CYP2R1: variants seen among roughly 807,000 people sequenced by gnomAD.
CYP2R1 encodes vitamin D 25-hydroxylase.
In CYP2R1, 40 loss-of-function variants were observed where a neutral mutation model predicts 45.7. The observed-to-expected ratio is 0.87, with a 90% CI of 0.68 to 1.14. The LOEUF is 1.14. CYP2R1 is among the 50% of genes most tolerant of loss of function. The probability of loss-of-function intolerance (pLI) is 0.00; values close to 1 mark genes in which losing one functional copy is unlikely to be tolerated. For synonymous variants in CYP2R1, 234 were observed against 219.3 expected, an observed-to-expected ratio of 1.07 and a Z score of -0.59; for missense variants, 605 against 602.6, an observed-to-expected ratio of 1.00 and a Z score of -0.04.
rs1174014701 is a variant in CYP2R1, at chr11:14,885,921, TGAGAA to T, written c.226-9_226-5del. On this transcript the variant is annotated splice_region_variant and splice_polypyrimidine_tract_variant and intron_variant, in intron 1 of 4. Coordinates refer to ENST00000334636, the MANE Select transcript of CYP2R1 (RefSeq NM_024514.5). ...CTCCAAGATCTAAACTGAAGATCTT[TGAGAA>T]GAGAAGAAAAACAACATTTAAATGA... is the stretch of plus-strand genomic sequence containing the variant. 11 of 1,612,690 alleles carry T rather than the reference TGAGAA, an allele frequency of 6.8e-6. No individual in the cohort carries two copies. Among genetic ancestry groups the T allele is most frequent in the Admixed American group, 5.0e-5 (3 of 59,914 alleles).
upstream of CYP2R1, chr11:14,892,292 C>A (rs1341339551): frequency 3.1e-6 from 4 of 1,292,422 alleles, no homozygotes; most frequent in African/African-American, 4.4e-5. Context: ...TGGCAGGATA[C>A]CCTCAGGTCC....
chr11:14,887,351 C>T (rs1488608599), intron 1 of CYP2R1: 5 of 152,576 alleles, frequency 3.3e-5, no homozygotes, highest in African/African-American at 9.7e-5. Context: ...ACACAATCCA[C>T]CTTTACTCAA....
intron 1 of CYP2R1, among the ~76,000 whole-genome samples, chr11:14,890,713 A>G (rs1848814271): frequency 6.6e-6 from 1 of 151,498 alleles, no homozygotes; most frequent in Non-Finnish European, 1.5e-5. Flanking sequence ...CGCCCGGCTA[A>G]TTTTTTGTAT....
rs782573057 is a variant in CYP2R1, at chr11:14,879,275, C to T, written c.1169G>A (p.Arg390His). Residue 390 changes from arginine to histidine, a missense_variant, in exon 4 of 5, where the codon CGT becomes CAT. Transcript: ENST00000334636. ...FHATSEDAVV[R>H]GYSIPKGTTV... ...TGTGCCTTTAGGAATGGAATAACCACGTACAACTGCATCTTCAGAGGTTGC... is the reference window on the plus strand; with the variant it reads ...TGTGCCTTTAGGAATGGAATAACCATGTACAACTGCATCTTCAGAGGTTGC... 3 of 1,613,278 alleles carry T rather than the reference C, an allele frequency of 1.9e-6. No homozygotes were observed. The highest frequency in any genetic ancestry group is 2.5e-6 in the Non-Finnish European group (3 of 1,179,522).
intron 2 of CYP2R1, among the ~76,000 whole-genome samples, chr11:14,884,057 T>A (rs1415797503): frequency 6.6e-6 from 1 of 151,962 alleles, no homozygotes; most frequent in African/African-American, 2.4e-5. Flanking sequence ...ATGTGGAGAA[T>A]TAGGAATACT....
At chr11:14,889,666 GA>G (rs2134098599) in intron 1 of CYP2R1, among the ~76,000 whole-genome samples, 1 of 152,284 alleles carries the variant, frequency 6.6e-6, no homozygotes, top group Admixed American at 6.5e-5. Context: ...AGGGGACTTA[GA>G]AAACCCCCTG....
At chr11:14,890,555 T>TC (rs1555016337) in intron 1 of CYP2R1, 2 of 562,298 alleles carry the variant, frequency 3.6e-6, no homozygotes, top group East Asian at 3.0e-4. Flanking sequence ...TTTTTTTTTT[T>TC]TTTTTTTTTG....
chr11:14,884,458 C>T (rs1848526070), intron 2 of CYP2R1, among the ~76,000 whole-genome samples: 1 of 146,264 alleles, frequency 6.8e-6, no homozygotes, highest in Non-Finnish European at 1.5e-5. Flanking sequence ...CGCATATTCT[C>T]ACTCATAGGT....
At chr11:14,879,492 C>T (rs571049097) in intron 3 of CYP2R1, 49 bp from the exon 4 acceptor site, 5 of 1,412,176 alleles carry the variant, frequency 3.5e-6, no homozygotes, top group South Asian at 2.4e-5. Flanking sequence ...TAGAATTATA[C>T]CTAAAGTTAT....
chr11:14,884,331 C>T (rs1225328121), intron 2 of CYP2R1, among the ~76,000 whole-genome samples: 2 of 151,958 alleles, frequency 1.3e-5, no homozygotes, highest in African/African-American at 2.4e-5. Context: ...CACATATACA[C>T]CATGGAATAC....
chr11:14,878,040 A>G lies in CYP2R1; in HGVS notation c.*82T>C. The G allele has an allele frequency of 1.4e-6, 2 of 1,454,794 alleles. No homozygotes were observed. Among genetic ancestry groups the G allele is most frequent in the East Asian group, 4.5e-5 (2 of 44,090 alleles). 90.1% of individuals were successfully genotyped at this position (1,454,794 alleles called of 1,614,324 possible). A position where few individuals can be genotyped will look rare whatever the true frequency, so the allele number is the denominator to read the frequency against. On this transcript the variant is annotated 3_prime_UTR_variant, in exon 5 of 5. Coordinates refer to ENST00000334636, the MANE Select transcript of CYP2R1 (RefSeq NM_024514.5). ...TTTTTGATGCTGTGACTTTTATTCT[A>G]ATACACACATTGATTTGATTAAACC...
At chr11:14,890,534 A>ATTTTT (rs1565189371) in intron 1 of CYP2R1, 6 of 170,266 alleles carry the variant, frequency 3.5e-5, no homozygotes, top group African/African-American at 2.7e-4. Flanking sequence ...ACCTAGACCA[A>ATTTTT]TTCTTTTTTT....
At position 14,880,662 on chromosome 11, in the gene CYP2R1, G is replaced by T. The variant is rs782608851; in HGVS notation, c.474C>A (p.Ile158=). Residue 158 remains isoleucine, a synonymous_variant, in exon 3 of 5, where the codon ATC becomes ATA. Coordinates refer to ENST00000334636, the MANE Select transcript of CYP2R1 (RefSeq NM_024514.5). ...CATTGAAAAATTTGGTTTCTTCCAA[G>T]ATTTTAGATTCAAAAGACTTTTGGC... ...GYGQKSFESK[I]LEETKFFNDA... The T allele has an allele frequency of 3.1e-6, 5 of 1,596,992 alleles. No homozygotes were observed. The South Asian group carries it at 5.7e-5, about 18-fold the overall frequency.
intron 4 of CYP2R1, 26 bp from the exon 5 acceptor site, chr11:14,878,323 A>AT (rs1429389574): frequency 1.9e-6 from 3 of 1,610,042 alleles, no homozygotes; most frequent in Non-Finnish European, 2.5e-6. Flanking sequence ...AGATACAATA[A>AT]TTTTTTAAAC....
At chr11:14,878,477 C>A (rs957024001) in intron 4 of CYP2R1, among the ~76,000 whole-genome samples, 180 bp from the exon 5 acceptor site, 10 of 152,056 alleles carry the variant, frequency 6.6e-5, no homozygotes, top group Non-Finnish European at 1.3e-4. Context: ...GCAAGCAGAA[C>A]CCATTCATTT....
chr11:14,886,732 C>T (rs1403176759), intron 1 of CYP2R1: 2 of 152,280 alleles, frequency 1.3e-5, no homozygotes, highest in African/African-American at 4.8e-5. Flanking sequence ...GCCATCCTTT[C>T]AGGATAGCAT....
In CYP2R1 at chr11:14,880,538, A is replaced by C; in HGVS notation, c.598T>G (p.Phe200Val). Reference protein sequence around the residue: ...ITNLIIFGERFTYEDTDFQHM... With the variant: ...ITNLIIFGERVTYEDTDFQHM... ...TGAAAATCGGTGTCTTCATAAGTGA[A>C]TCGTTCTCCAAAAATGATCAGATTG... The change falls in exon 3 of 5, where the codon TTC becomes GTC. Residue 200 changes from phenylalanine to valine, a missense_variant. Physicochemically the swap from Phe to Val is conservative, Grantham distance 50. Transcript: ENST00000334636. 1 of 1,613,522 alleles carries C rather than the reference A, an allele frequency of 6.2e-7. No homozygotes were observed. Among genetic ancestry groups the C allele is most frequent in the African/African-American group, 1.3e-5 (1 of 75,018 alleles).
Position 14,880,521 on chromosome 11 carries a change from G to A in CYP2R1, c.615C>T (p.Thr205=), listed in dbSNP as rs554176344. ...ATAACTCAATCATGTGCTGAAAATC[G>A]GTGTCTTCATAAGTGAATCGTTCTC... ...IFGERFTYED[T]DFQHMIELFS... Residue 205 remains threonine (T), a synonymous_variant, in exon 3 of 5, where the codon ACC becomes ACT. Transcript: ENST00000334636. 22 of 1,613,452 alleles carry A rather than the reference G, an allele frequency of 1.4e-5. No individual in the cohort carries two copies. Among genetic ancestry groups the A allele is most frequent in the Admixed American group, 6.7e-5 (4 of 59,864 alleles).
At chr11:14,885,662 T>C (rs1848586569) in intron 2 of CYP2R1, 114 bp downstream of exon 2, 4 of 1,131,362 alleles carry the variant, frequency 3.5e-6, no homozygotes, top group Non-Finnish European at 3.9e-6. Flanking sequence ...TGTAAATAAA[T>C]AGTTTCTTAT....
Sources: allele counts gnomAD v4.1 joint callset (sites outside exome capture counted in the v4.1 genomes callset), GRCh38; gene constraint gnomAD v4.1.1; transcripts MANE v1.5; gene names NCBI Gene and HGNC (gene_info 2026-07-23, HGNC 2026-07-21).